LINGO2: variants seen among roughly 807,000 people sequenced by gnomAD.
The protein encoded by LINGO2 is leucine rich repeat and Ig domain containing 2, also known as leucine-rich repeat and immunoglobulin-like domain-containing nogo receptor-interacting protein 2.
In LINGO2, 14 loss-of-function variants were observed where a neutral mutation model predicts 30.6. That is an observed-to-expected ratio of 0.46 (90% CI 0.30 to 0.72). LINGO2 has a LOEUF of 0.72. LINGO2 is among the 30% of genes least tolerant of loss of function. The pLI, the probability that LINGO2 is intolerant of heterozygous loss-of-function variation, is 0.07. For missense variants in LINGO2, 729 were observed against 751.7 expected (o/e 0.97, Z 0.35); for synonymous variants, 317 against 288.5 (o/e 1.10, Z -1.00).
intron 4 of LINGO2, among the ~76,000 whole-genome samples, chr9:28,156,804 T>G (rs2167641): frequency 6.8e-4 from 104 of 152,360 alleles, no homozygotes; most frequent in African/African-American, 2.3e-3. Context: ...CATGGCAGTC[T>G]GAAATCCAGC....
chr9:28,208,536 T>C (rs557773767), intron 4 of LINGO2, among the ~76,000 whole-genome samples: 1 of 151,982 alleles, frequency 6.6e-6, no homozygotes, highest in Non-Finnish European at 1.5e-5. Context: ...GGAGATAGAC[T>C]CATAGTTAAT....
Position 28,434,634 on chromosome 9 carries a change from G to A in LINGO2, c.-279+41306C>T, listed in dbSNP as rs144656328. Among the ~76,000 whole-genome samples the A allele has an allele frequency of 7.5e-4, 113 of 151,306 alleles. 1 individual carries two copies. Among genetic ancestry groups the A allele is most frequent in the African/African-American group, 2.4e-3 (100 of 41,248 alleles). ...CCAGAAGTCTTCTGTCTCAGTATTC[G>A]CCATACATTCGTTATTCTCTTATGC... On this transcript the variant is annotated intron_variant, in intron 2 of 5. Transcript: ENST00000379992.
chr9:28,456,938 T>G (rs1460536918), intron 2 of LINGO2, among the ~76,000 whole-genome samples: 2 of 152,178 alleles, frequency 1.3e-5, no homozygotes, highest in Non-Finnish European at 2.9e-5. Flanking sequence ...ATGTTATCTT[T>G]TCCTCACCCC....
chr9:28,441,251 CTTTTTTTTTTTTTTTTTT>C lies in LINGO2; in HGVS notation c.-279+34671_-279+34688del, dbSNP rs72213590. 7.3e-3 allele frequency among the ~76,000 whole-genome samples: 264 copies of C among 36,278 alleles called. 2 individuals are homozygous for C. Among genetic ancestry groups the C allele is most frequent in the African/African-American group, 0.023 (251 of 10,790 alleles). 23.8% of individuals were successfully genotyped at this position (36,278 alleles called of 152,430 possible). ...TATAGCAGTATAAATTCATTGGAGG[CTTTTTTTTTTTTTTTTTT>C]TTTTTTTTTTTTTTTTTTTTGGTGA... On this transcript the variant is annotated intron_variant, in intron 2 of 5. Coordinates refer to ENST00000379992, the Ensembl canonical transcript of LINGO2.
At chr9:28,588,714 C>T (rs1426531571) in intron 1 of LINGO2, among the ~76,000 whole-genome samples, 4 of 151,992 alleles carry the variant, frequency 2.6e-5, no homozygotes, top group Admixed American at 2.6e-4. Context: ...TCTTTGAGGT[C>T]TTTCATTTAG....
intron 4 of LINGO2, among the ~76,000 whole-genome samples, chr9:28,194,160 T>C (rs1040561689): frequency 6.6e-6 from 1 of 152,146 alleles, no homozygotes; most frequent in Non-Finnish European, 1.5e-5. Flanking sequence ...TGAGAGATAC[T>C]GTCGTGGCCA....
intron 4 of LINGO2, among the ~76,000 whole-genome samples, chr9:28,021,994 A>G (rs2119374639): frequency 6.6e-6 from 1 of 152,180 alleles, no homozygotes; most frequent in Non-Finnish European, 1.5e-5. Flanking sequence ...AACTGGATTA[A>G]TATCTACCAT....
chr9:28,124,956 C>T (rs1827197154), intron 4 of LINGO2, among the ~76,000 whole-genome samples: 1 of 152,106 alleles, frequency 6.6e-6, no homozygotes, highest in African/African-American at 2.4e-5. Flanking sequence ...GTGTATTATT[C>T]ACACTAAACA....
chr9:28,010,046 A>G (rs1343279603), intron 5 of LINGO2, among the ~76,000 whole-genome samples: 1 of 152,192 alleles, frequency 6.6e-6, no homozygotes, highest in Non-Finnish European at 1.5e-5. Flanking sequence ...TTGACAATAA[A>G]AGGGAATGAA....
chr9:28,611,414 C>G (rs1825910787), intron 1 of LINGO2, among the ~76,000 whole-genome samples: 1 of 151,768 alleles, frequency 6.6e-6, no homozygotes, highest in South Asian at 2.1e-4. Context: ...TCTACTCTCT[C>G]AGCATATTTC....
chr9:28,826,590 T>G, the LINGO2 span, among the ~76,000 whole-genome samples: 1 of 152,106 alleles, frequency 6.6e-6, no homozygotes, highest in Admixed American at 6.6e-5. Context: ...GCTGTGTCAG[T>G]GATAATAAAA....
intron 4 of LINGO2, among the ~76,000 whole-genome samples, chr9:28,082,566 A>C (rs1320670109): frequency 6.6e-6 from 1 of 152,212 alleles, no homozygotes; most frequent in Non-Finnish European, 1.5e-5. Context: ...TGAAAGTGGC[A>C]GTAAACAAAT....
At chr9:28,623,277 C>T (rs1286868939) in intron 1 of LINGO2, among the ~76,000 whole-genome samples, 1 of 151,954 alleles carries the variant, frequency 6.6e-6, no homozygotes, top group Non-Finnish European at 1.5e-5. Flanking sequence ...AGACCAATGT[C>T]CTGTAGAGTT....
chr9:28,927,863 C>A, the LINGO2 span, among the ~76,000 whole-genome samples: 1 of 152,218 alleles, frequency 6.6e-6, no homozygotes, highest in Non-Finnish European at 1.5e-5. Flanking sequence ...GTTAAGTCAT[C>A]TGCCTAAGGC....
Position 28,148,408 on chromosome 9 carries a change from G to C in LINGO2, c.-86-136003C>G. 7.7e-7 allele frequency: 1 copy of C among 1,300,868 alleles called. No homozygotes were observed. Among genetic ancestry groups the C allele is most frequent in the Non-Finnish European group, 1.1e-6 (1 of 933,022 alleles). 80.6% of individuals were successfully genotyped at this position (1,300,868 alleles called of 1,614,324 possible). ...AACTTCCTTCATTAGATGAGCAGGT[G>C]ATCCCAGCCAGGCTCCCGAAGATGG... is the stretch of plus-strand genomic sequence containing the variant. On this transcript the variant is annotated intron_variant, in intron 4 of 5. Coordinates refer to ENST00000379992, the Ensembl canonical transcript of LINGO2. The surrounding 1 kb of genome is among the most constrained non-coding windows in gnomAD (Gnocchi z 5.1).
the LINGO2 span, among the ~76,000 whole-genome samples, chr9:29,009,441 G>A: frequency 2.0e-5 from 3 of 152,118 alleles, no homozygotes; most frequent in South Asian, 2.1e-4. Context: ...TTGCTACAAA[G>A]AGAATAAAAT....
chr9:28,441,619 G>A (rs1824202048), intron 2 of LINGO2, among the ~76,000 whole-genome samples: 1 of 152,014 alleles, frequency 6.6e-6, no homozygotes, highest in South Asian at 2.1e-4. Context: ...GCTCAAGACA[G>A]GGACTTTGAC....
intron 4 of LINGO2, among the ~76,000 whole-genome samples, chr9:28,079,808 T>C (rs1486108023): frequency 6.6e-6 from 1 of 152,220 alleles, no homozygotes; most frequent in African/African-American, 2.4e-5. Flanking sequence ...TTGTCCTGCA[T>C]CCTTGACATC....
chr9:28,580,533 C>A (rs1250826461), intron 1 of LINGO2, among the ~76,000 whole-genome samples: 1 of 150,502 alleles, frequency 6.6e-6, no homozygotes, highest in African/African-American at 2.4e-5. Flanking sequence ...TCTATTTCAG[C>A]TCTTGACCAC....
Sources: gnomAD v4.1 joint callset for allele counts (sites outside exome capture counted in the v4.1 genomes callset) on GRCh38, gnomAD v4.1.1 for gene constraint, Gnocchi (gnomAD v3.1) non-coding constraint, MANE v1.5 for transcripts, NCBI Gene and HGNC (gene_info 2026-07-23, HGNC 2026-07-21) for gene names.